KIAA1328: variants seen among roughly 807,000 people sequenced by gnomAD.
The protein encoded by KIAA1328 is protein hinderin.
A neutral mutation model predicts 68.1 loss-of-function variants in KIAA1328; 52 were observed. The observed-to-expected ratio is 0.76, with a 90% CI of 0.61 to 0.96. The LOEUF (loss-of-function observed/expected upper bound fraction) is 0.96, where lower values mean the gene tolerates loss of function less well. Ranked by LOEUF, KIAA1328 falls within the 40% of genes least tolerant of loss-of-function variation. KIAA1328 has a pLI of 0.00. For missense variants in KIAA1328, 641 were observed against 677.6 expected, an observed-to-expected ratio of 0.95 and a Z score of 0.60; for synonymous variants, 232 against 239.4, an observed-to-expected ratio of 0.97 and a Z score of 0.28.
intron 4 of KIAA1328, among the ~76,000 whole-genome samples, chr18:36,875,699 A>T (rs1246504377): frequency 6.6e-6 from 1 of 152,124 alleles, no homozygotes; most frequent in African/African-American, 2.4e-5. Context: ...AACTTCCAAT[A>T]CTATGTTGAA....
At chr18:36,972,109 A>T (rs986110768) in intron 6 of KIAA1328, among the ~76,000 whole-genome samples, 4 of 152,250 alleles carry the variant, frequency 2.6e-5, no homozygotes, top group Admixed American at 2.6e-4. Flanking sequence ...TCCATATAAT[A>T]AACCCTAACA....
intron 7 of KIAA1328, among the ~76,000 whole-genome samples, chr18:37,096,397 G>C (rs2057408353): frequency 6.6e-6 from 1 of 152,250 alleles, no homozygotes; most frequent in South Asian, 2.1e-4. Context: ...TCCCTACAAA[G>C]GACATGAACT....
intron 8 of KIAA1328, among the ~76,000 whole-genome samples, chr18:37,161,161 T>G (rs757066600): frequency 6.6e-6 from 1 of 152,156 alleles, no homozygotes; most frequent in Non-Finnish European, 1.5e-5. Flanking sequence ...TAACCCAGAT[T>G]TCCTTCTTAT....
At chr18:36,999,604 T>G (rs2053515536) in intron 6 of KIAA1328, among the ~76,000 whole-genome samples, 1 of 152,136 alleles carries the variant, frequency 6.6e-6, no homozygotes, top group South Asian at 2.1e-4. Flanking sequence ...TCAAAGAGAA[T>G]GGGATGATAT....
intron 5 of KIAA1328, among the ~76,000 whole-genome samples, chr18:36,929,942 T>A (rs1874137496): frequency 6.6e-6 from 1 of 152,134 alleles, no homozygotes. Context: ...TCTGACCTTT[T>A]CTTAGTAGTT....
At chr18:37,050,025 TC>T (rs1437524874) in intron 6 of KIAA1328, among the ~76,000 whole-genome samples, 1 of 152,164 alleles carries the variant, frequency 6.6e-6, no homozygotes, top group African/African-American at 2.4e-5. Context: ...TTGTTAAAAC[TC>T]TCTTTCATAT....
At chr18:37,114,149 T>C (rs1197406090) in intron 7 of KIAA1328, among the ~76,000 whole-genome samples, 1 of 152,162 alleles carries the variant, frequency 6.6e-6, no homozygotes, top group Non-Finnish European at 1.5e-5. Flanking sequence ...CAGCTCTGCA[T>C]CAAGCAGACC....
At chr18:36,862,877 A>G (rs955914059) in intron 4 of KIAA1328, among the ~76,000 whole-genome samples, 2 of 152,100 alleles carry the variant, frequency 1.3e-5, no homozygotes, top group African/African-American at 4.8e-5. Flanking sequence ...GGGATATCCC[A>G]TCTCTATTTT....
intron 4 of KIAA1328, among the ~76,000 whole-genome samples, chr18:36,873,031 T>C (rs906226041): frequency 6.6e-6 from 1 of 152,216 alleles, no homozygotes; most frequent in African/African-American, 2.4e-5. Flanking sequence ...CTTGCTTTTA[T>C]CTCTAGAGCA....
At chr18:37,000,931 C>A (rs182822673) in intron 6 of KIAA1328, among the ~76,000 whole-genome samples, 13 of 151,910 alleles carry the variant, frequency 8.6e-5, no homozygotes, top group African/African-American at 3.1e-4. Context: ...ATGCCTACAT[C>A]AAAAAGTAGA....
downstream of KIAA1328, among the ~76,000 whole-genome samples, chr18:37,226,295 G>C (rs530512235): frequency 1.3e-5 from 2 of 149,998 alleles, no homozygotes; most frequent in Non-Finnish European, 3.0e-5. Context: ...TTTTTTTTTG[G>C]TAATAGCTTT....
rs192892288 is a variant in KIAA1328 at position 36,859,103 on chromosome 18, G to A, written c.332+14801G>A. On this transcript the variant is annotated intron_variant, in intron 4 of 9. Coordinates refer to ENST00000280020, the MANE Select transcript of KIAA1328 (RefSeq NM_020776.3). ...TGTTGCATAAGCAATTGAATCTTTTGTGTGTTTATAATTCTATCCATTTGC... is the reference window on the plus strand; with the variant it reads ...TGTTGCATAAGCAATTGAATCTTTTATGTGTTTATAATTCTATCCATTTGC... 2.9e-3 allele frequency among the ~76,000 whole-genome samples: 435 copies of A among 151,978 alleles called. 4 individuals are homozygous for A. The highest frequency in any genetic ancestry group is 7.6e-3 in the Admixed American group (116 of 15,256).
rs543001000 is a variant in KIAA1328 at position 36,978,032 on chromosome 18, C to G, written c.576+18597C>G. Among the ~76,000 whole-genome samples the G allele has an allele frequency of 3.2e-3, 487 of 152,284 alleles. 10 individuals carry two copies. Among genetic ancestry groups the G allele is most frequent in the Non-Finnish European group, 1.2e-3 (80 of 68,028 alleles). On this transcript the variant is annotated intron_variant, in intron 6 of 9. Transcript: ENST00000280020. ...TCCTGGCCTCAAGTGATCTGCCTGC[C>G]TCAGCCTCTCAAAGTGCTGAGATTA...
At chr18:37,217,456 G>A (rs2060465951) in intron 9 of KIAA1328, among the ~76,000 whole-genome samples, 1 of 152,162 alleles carries the variant, frequency 6.6e-6, no homozygotes, top group African/African-American at 2.4e-5. Flanking sequence ...TGAAATTCTG[G>A]GTTGAAAATT....
At chr18:37,163,748 T>C (rs2059330259) in intron 8 of KIAA1328, among the ~76,000 whole-genome samples, 1 of 152,228 alleles carries the variant, frequency 6.6e-6, no homozygotes, top group South Asian at 2.1e-4. Context: ...ATCATTTCTA[T>C]CTTGCCTCTA....
chr18:37,215,502 T>C (rs1350418686), intron 9 of KIAA1328, among the ~76,000 whole-genome samples: 1 of 152,180 alleles, frequency 6.6e-6, no homozygotes, highest in Non-Finnish European at 1.5e-5. Context: ...TGAAGCCAAC[T>C]TGATCGTGGT....
chr18:37,000,752 A>G (rs1380359428), intron 6 of KIAA1328, among the ~76,000 whole-genome samples: 2 of 152,108 alleles, frequency 1.3e-5, no homozygotes, highest in Non-Finnish European at 2.9e-5. Flanking sequence ...TGGAAACTAT[A>G]CAAATACGTG....
intron 5 of KIAA1328, among the ~76,000 whole-genome samples, chr18:36,940,850 A>G (rs569903259): frequency 6.6e-6 from 1 of 151,660 alleles, no homozygotes; most frequent in Non-Finnish European, 1.5e-5. Context: ...TAATTTTTGT[A>G]TTTTTAGTAG....
chr18:37,157,655 C>G (rs1055575475), intron 7 of KIAA1328, among the ~76,000 whole-genome samples: 1 of 151,480 alleles, frequency 6.6e-6, no homozygotes, highest in African/African-American at 2.4e-5. Context: ...ACTAAAAATA[C>G]AAAAATTAGC....
Sources: allele counts gnomAD v4.1 joint callset (sites outside exome capture counted in the v4.1 genomes callset), GRCh38; gene constraint gnomAD v4.1.1; transcripts MANE v1.5; gene names NCBI Gene and HGNC (gene_info 2026-07-23, HGNC 2026-07-21).